The following COL8A1 variants were observed in gnomAD, a reference collection of about 807,000 sequenced individuals.
COL8A1 encodes collagen alpha-1(VIII) chain.
Under a neutral mutation model 42.7 loss-of-function variants are expected in COL8A1, and 21 were observed. The ratio of observed to expected loss-of-function variants is 0.49; its 90% CI spans 0.35 to 0.71. COL8A1 has a LOEUF of 0.71. Ranked by LOEUF, COL8A1 falls within the 30% of genes least tolerant of loss-of-function variation. The pLI, the probability that COL8A1 is intolerant of heterozygous loss-of-function variation, is 0.01. For missense variants in COL8A1, 788 were observed against 962.4 expected (o/e 0.82, Z 2.40); for synonymous variants, 367 against 369.1 (o/e 0.99, Z 0.06).
At chr3:99,733,910 C>A (rs1940611526) in intron 1 of COL8A1, among the ~76,000 whole-genome samples, 1 of 152,100 alleles carries the variant, frequency 6.6e-6, no homozygotes, top group Non-Finnish European at 1.5e-5. Context: ...TGATGATGAG[C>A]ATTTTCTCAT....
intron 2 of COL8A1, among the ~76,000 whole-genome samples, chr3:99,755,042 A>T (rs1404383689): frequency 1.3e-5 from 2 of 152,220 alleles, no homozygotes; most frequent in African/African-American, 2.4e-5. Flanking sequence ...TCTTGATGTC[A>T]TTTCAAGTAT....
chr3:99,672,362 T>C (rs1938571306), intron 1 of COL8A1, among the ~76,000 whole-genome samples: 1 of 152,032 alleles, frequency 6.6e-6, no homozygotes, highest in Non-Finnish European at 1.5e-5. Flanking sequence ...CTCATAGCTA[T>C]CTTCCATGTT....
intron 1 of COL8A1, among the ~76,000 whole-genome samples, chr3:99,683,837 C>G (rs1341998891): frequency 6.6e-6 from 1 of 152,054 alleles, no homozygotes; most frequent in African/African-American, 2.4e-5. Flanking sequence ...CTGTTTTTAC[C>G]TAAGTGCATG....
intron 1 of COL8A1, among the ~76,000 whole-genome samples, chr3:99,656,620 C>A (rs1178252507): frequency 1.3e-5 from 2 of 152,254 alleles, no homozygotes; most frequent in East Asian, 3.9e-4. Flanking sequence ...TAAGCAAACA[C>A]CCGTCAAGGA....
chr3:99,734,842 GT>G (rs1272390343), intron 1 of COL8A1, among the ~76,000 whole-genome samples: 1 of 152,134 alleles, frequency 6.6e-6, no homozygotes, highest in Admixed American at 6.5e-5. Context: ...GTGGTTTGCA[GT>G]TCTCCTTGAA....
intron 1 of COL8A1, among the ~76,000 whole-genome samples, chr3:99,646,734 A>G (rs1447064942): frequency 6.6e-6 from 1 of 152,210 alleles, no homozygotes; most frequent in East Asian, 1.9e-4. Flanking sequence ...AATCCCACAT[A>G]TCTCAAAAGG....
chr3:99,700,272 G>A (rs1463910765), intron 1 of COL8A1, among the ~76,000 whole-genome samples: 3 of 151,734 alleles, frequency 2.0e-5, no homozygotes, highest in African/African-American at 7.3e-5. Flanking sequence ...TTCTGCACGT[G>A]TATCCTGTTG....
At chr3:99,770,122 G>A (rs1055914372) in intron 2 of COL8A1, among the ~76,000 whole-genome samples, 2 of 152,122 alleles carry the variant, frequency 1.3e-5, no homozygotes, top group Admixed American at 6.5e-5. Context: ...ATGGTCTAGT[G>A]TTAATTAACT....
intron 1 of COL8A1, among the ~76,000 whole-genome samples, chr3:99,682,456 G>A (rs1413021038): frequency 6.6e-6 from 1 of 151,998 alleles, no homozygotes; most frequent in Non-Finnish European, 1.5e-5. Context: ...AGTGTCTTAA[G>A]CATGCTTTTG....
intron 1 of COL8A1, among the ~76,000 whole-genome samples, chr3:99,646,414 G>A (rs1300316712): frequency 6.6e-6 from 1 of 152,084 alleles, no homozygotes; most frequent in Non-Finnish European, 1.5e-5. Context: ...CTCTCTCTGG[G>A]GCAAGGGGCG....
chr3:99,794,606 C>A lies in COL8A1; in HGVS notation c.705C>A (p.Gly235=). Residue 235 remains glycine, a synonymous_variant, in exon 4 of 4, where the codon GGC becomes GGA. Transcript: ENST00000652472. The surrounding 1 kb of genome is among the most constrained non-coding windows in gnomAD (Gnocchi z 4.3). ...RGPKGLPGPQ[G]LRGPKGDKGF... The stretch of plus-strand genomic sequence containing the variant: ...CCAAAGGACTACCAGGACCTCAAGG[C>A]CTTCGGGGTCCTAAAGGAGACAAGG... The A allele has an allele frequency of 6.2e-7, 1 of 1,613,408 alleles. No individual in the cohort carries two copies. The highest frequency in any genetic ancestry group is 1.1e-5 in the South Asian group (1 of 91,026).
At chr3:99,761,451 T>C (rs145132630) in intron 2 of COL8A1, among the ~76,000 whole-genome samples, 22 of 152,248 alleles carry the variant, frequency 1.4e-4, no homozygotes, top group Middle Eastern at 3.4e-3. Context: ...ATTCTCGGAG[T>C]TGAAATTGAA....
intron 2 of COL8A1, among the ~76,000 whole-genome samples, chr3:99,746,132 G>C (rs953688792): frequency 6.6e-6 from 1 of 152,086 alleles, no homozygotes; most frequent in East Asian, 1.9e-4. Context: ...ATCCCTCATT[G>C]ACTGCATCCT....
At chr3:99,738,914 T>A (rs555892345) in intron 1 of COL8A1, among the ~76,000 whole-genome samples, 4 of 152,128 alleles carry the variant, frequency 2.6e-5, no homozygotes, top group Non-Finnish European at 5.9e-5. Context: ...AGATGTGGGA[T>A]ATAATCTCTT....
intron 1 of COL8A1, among the ~76,000 whole-genome samples, chr3:99,718,407 C>T (rs1351896672): frequency 6.6e-6 from 1 of 151,974 alleles, no homozygotes; most frequent in Admixed American, 6.6e-5. Context: ...GTTTCTCCAA[C>T]CATTCTTAGT....
chr3:99,708,177 T>G (rs1158755510), intron 1 of COL8A1, among the ~76,000 whole-genome samples: 1 of 152,022 alleles, frequency 6.6e-6, no homozygotes, highest in African/African-American at 2.4e-5. Context: ...AATCACAGAG[T>G]GTTTATGGTG....
chr3:99,728,542 A>G (rs1940405250), intron 1 of COL8A1, among the ~76,000 whole-genome samples: 5 of 152,056 alleles, frequency 3.3e-5, no homozygotes, highest in Admixed American at 3.3e-4. Flanking sequence ...ATACATATCA[A>G]CAATTAATCT....
intron 1 of COL8A1, among the ~76,000 whole-genome samples, chr3:99,722,554 T>C (rs561893516): frequency 3.9e-5 from 6 of 152,278 alleles, no homozygotes; most frequent in African/African-American, 1.4e-4. Context: ...GTGACACACA[T>C]TGACCATTGT....
At chr3:99,669,123 T>TTATATATATATATATATA (rs775831851) in intron 1 of COL8A1, among the ~76,000 whole-genome samples, 14 of 96,588 alleles carry the variant, frequency 1.4e-4, no homozygotes, top group South Asian at 3.4e-4. Context: ...CTTAAAAAAA[T>TTATATATATATATATATA]TATATATATA....
Sources: allele counts gnomAD v4.1 joint callset (sites outside exome capture counted in the v4.1 genomes callset), GRCh38; gene constraint gnomAD v4.1.1; non-coding constraint Gnocchi (gnomAD v3.1); transcripts MANE v1.5; gene names NCBI Gene and HGNC (gene_info 2026-07-23, HGNC 2026-07-21).